QTGAL: variants seen among roughly 807,000 people sequenced by gnomAD.
The protein encoded by QTGAL is BGnT-like protein 1.
the QTGAL span, chr17:82,957,441 C>T: frequency 1.4e-5 from 23 of 1,611,402 alleles, no homozygotes; most frequent in Admixed American, 3.4e-5. Flanking sequence ...GGCCGCCCAG[C>T]GGGGCAGGGC....
chr17:83,051,616 A>T, the QTGAL span: 1 of 1,017,542 alleles, frequency 9.8e-7, no homozygotes, highest in Non-Finnish European at 1.3e-6. Context: ...GAGACCCCGT[A>T]GGTGAGCCCG....
the QTGAL span, among the ~76,000 whole-genome samples, chr17:83,016,469 G>T: frequency 4.7e-5 from 7 of 150,026 alleles, no homozygotes; most frequent in South Asian, 1.5e-3. Context: ...GAGAATAAAG[G>T]AGGGTGGAGA....
At chr17:83,005,886 C>A in the QTGAL span, 1 of 1,375,364 alleles carries the variant, frequency 7.3e-7, no homozygotes, top group Admixed American at 3.2e-5. This position sits in a 1 kb window ranked among gnomAD's most constrained non-coding sequence, Gnocchi z 5.6. Context: ...AGCCTGACCT[C>A]TGCCCCGGAG....
chr17:82,951,702 C>T, the QTGAL span, among the ~76,000 whole-genome samples: 7 of 151,174 alleles, frequency 4.6e-5, no homozygotes, highest in South Asian at 6.3e-4. Flanking sequence ...GAGAGACGTG[C>T]GACTCTTCCT....
chr17:83,019,790 G>C, the QTGAL span, among the ~76,000 whole-genome samples: 2 of 152,036 alleles, frequency 1.3e-5, no homozygotes, highest in East Asian at 3.9e-4. Flanking sequence ...CTGGAGTGCA[G>C]TGGCGCAATC....
the QTGAL span, among the ~76,000 whole-genome samples, chr17:83,026,896 C>T: frequency 1.2e-4 from 16 of 139,100 alleles, no homozygotes; most frequent in South Asian, 2.4e-4. Flanking sequence ...AACCCACCCT[C>T]GACAGACACA....
At chr17:82,967,886 G>A in the QTGAL span, among the ~76,000 whole-genome samples, 3 of 152,030 alleles carry the variant, frequency 2.0e-5, no homozygotes, top group Non-Finnish European at 4.4e-5. Flanking sequence ...AGTGAGCTGT[G>A]ATCGCACCAC....
the QTGAL span, among the ~76,000 whole-genome samples, chr17:83,050,810 AGG>A: frequency 2.1e-5 from 3 of 143,652 alleles, no homozygotes; most frequent in Non-Finnish European, 3.1e-5. Flanking sequence ...GGCACGGAGG[AGG>A]TGTGCAGGTA....
chr17:82,993,934 G>A, the QTGAL span, among the ~76,000 whole-genome samples: 3 of 151,902 alleles, frequency 2.0e-5, no homozygotes, highest in African/African-American at 7.3e-5. Flanking sequence ...AAGTAAGAAG[G>A]AACTTAAAAC....
chr17:83,002,054 G>A, the QTGAL span, among the ~76,000 whole-genome samples: 2 of 93,884 alleles, frequency 2.1e-5, no homozygotes, highest in African/African-American at 4.6e-5. Context: ...GAGCCACTGC[G>A]CCTTTTTTTT....
chr17:83,024,471 C>T, the QTGAL span, among the ~76,000 whole-genome samples: 52 of 152,386 alleles, frequency 3.4e-4, no homozygotes, highest in African/African-American at 1.2e-3. Context: ...AGAGCCCTCG[C>T]TCATCCGCCT....
the QTGAL span, among the ~76,000 whole-genome samples, chr17:83,042,031 T>C: frequency 6.9e-6 from 1 of 145,250 alleles, no homozygotes; most frequent in South Asian, 2.2e-4. Context: ...TAAAAGATAG[T>C]ACTATTTTGG....
chr17:82,951,618 CCT>C, the QTGAL span, among the ~76,000 whole-genome samples: 3 of 152,196 alleles, frequency 2.0e-5, no homozygotes, highest in Non-Finnish European at 4.4e-5. Context: ...GAAAGCTGGG[CCT>C]CTCCTGCCAG....
chr17:82,982,942 G>A, the QTGAL span, among the ~76,000 whole-genome samples: 5 of 152,118 alleles, frequency 3.3e-5, no homozygotes, highest in Non-Finnish European at 1.5e-5. Flanking sequence ...GCTGGGGGTG[G>A]AGGAGATGGG....
At chr17:82,961,957 C>T in the QTGAL span, among the ~76,000 whole-genome samples, 28 of 143,082 alleles carry the variant, frequency 2.0e-4, no homozygotes, top group Admixed American at 1.5e-3. Flanking sequence ...GGGCCCCTGT[C>T]GCTTTCTTAA....
chr17:83,020,752 T>A, the QTGAL span, among the ~76,000 whole-genome samples: 1 of 152,216 alleles, frequency 6.6e-6, no homozygotes, highest in South Asian at 2.1e-4. Context: ...CACGGCCGCA[T>A]GGCACTCCTG....
At chr17:82,961,107 ACT>A in the QTGAL span, 12 of 1,609,896 alleles carry the variant, frequency 7.5e-6, no homozygotes, top group South Asian at 1.0e-4. Flanking sequence ...ACAGCAGGAG[ACT>A]CTGGTCCACG....
chr17:83,042,237 G>A, the QTGAL span, among the ~76,000 whole-genome samples: 1 of 152,136 alleles, frequency 6.6e-6, no homozygotes, highest in Non-Finnish European at 1.5e-5. Flanking sequence ...CGTGCTGGCA[G>A]GCACCTGTAT....
At chr17:83,050,912 T>C in the QTGAL span, among the ~76,000 whole-genome samples, 2 of 149,322 alleles carry the variant, frequency 1.3e-5, no homozygotes, top group Admixed American at 1.3e-4. Flanking sequence ...AGCAGGTGTG[T>C]GAAGCAGGTG....
Sources: allele counts gnomAD v4.1 joint callset (sites outside exome capture counted in the v4.1 genomes callset), GRCh38; gene constraint gnomAD v4.1.1; non-coding constraint Gnocchi (gnomAD v3.1); transcripts MANE v1.5; gene names NCBI Gene and HGNC (gene_info 2026-07-23, HGNC 2026-07-21).